The following KCNG3 variants were observed in gnomAD, a reference collection of about 807,000 sequenced individuals.
The protein encoded by KCNG3 is voltage-gated potassium channel regulatory subunit KCNG3.
KCNG3 carries 15 observed loss-of-function variants against 29.0 expected under a neutral mutation model. That is an observed-to-expected ratio of 0.52 (90% CI 0.35 to 0.80). The LOEUF (loss-of-function observed/expected upper bound fraction) is 0.80, where lower values mean the gene tolerates loss of function less well. KCNG3 is among the 30% of genes least tolerant of loss of function. KCNG3 has a pLI of 0.01. For missense variants in KCNG3, 512 were observed against 605.7 expected, an observed-to-expected ratio of 0.85 and a Z score of 1.62; for synonymous variants, 322 against 248.9, an observed-to-expected ratio of 1.29 and a Z score of -2.76.
At chr2:42,394,185 T>G in the KCNG3 span, among the ~76,000 whole-genome samples, 1 of 152,214 alleles carries the variant, frequency 6.6e-6, no homozygotes, top group Non-Finnish European at 1.5e-5. Context: ...TGACCAGAAC[T>G]GGGTCACATG....
the KCNG3 span, among the ~76,000 whole-genome samples, chr2:42,433,547 T>C: frequency 6.6e-6 from 1 of 152,134 alleles, no homozygotes; most frequent in Non-Finnish European, 1.5e-5. Flanking sequence ...AAGACCAGCC[T>C]GGACAAAATG....
the KCNG3 span, among the ~76,000 whole-genome samples, chr2:42,394,946 T>A: frequency 6.6e-6 from 1 of 152,236 alleles, no homozygotes; most frequent in African/African-American, 2.4e-5. Context: ...GGTGTAGTAC[T>A]GAGCAATTCA....
chr2:42,427,510 G>A, the KCNG3 span, among the ~76,000 whole-genome samples: 1 of 151,910 alleles, frequency 6.6e-6, no homozygotes, highest in African/African-American at 2.4e-5. Flanking sequence ...GGAGGCTGAG[G>A]TGGGAGCATC....
At chr2:42,428,453 T>C in the KCNG3 span, among the ~76,000 whole-genome samples, 41 of 109,606 alleles carry the variant, frequency 3.7e-4, no homozygotes, top group African/African-American at 1.5e-3. Flanking sequence ...AGAGACCCGG[T>C]CTCGGGAAAA....
chr2:42,479,189 C>T (rs906463572), intron 1 of KCNG3, among the ~76,000 whole-genome samples: 16 of 152,180 alleles, frequency 1.1e-4, no homozygotes, highest in South Asian at 8.3e-4. Context: ...ACCAGATTTA[C>T]GAAGTCAGAC....
the KCNG3 span, among the ~76,000 whole-genome samples, chr2:42,393,263 T>TAA: frequency 0.012 from 1,730 of 143,246 alleles, 36 homozygotes; most frequent in African/African-American, 0.041. Context: ...TCTCTTACAT[T>TAA]AAAAAAAAAA....
chr2:42,389,403 C>T, the KCNG3 span, among the ~76,000 whole-genome samples: 1 of 152,142 alleles, frequency 6.6e-6, no homozygotes, highest in Non-Finnish European at 1.5e-5. Flanking sequence ...ACTCAGAGTG[C>T]TGAAAGAAAG....
At chr2:42,457,332 A>G (rs1365065047) in intron 1 of KCNG3, among the ~76,000 whole-genome samples, 5 of 145,596 alleles carry the variant, frequency 3.4e-5, no homozygotes, top group African/African-American at 1.3e-4. Context: ...AAAATACAGA[A>G]AAAAAAAAAA....
chr2:42,455,938 AAT>A lies in KCNG3; in HGVS notation c.666-11361_666-11360del, dbSNP rs1430657435. ...ATACATATAGTTATTATATACCTAT[AAT>A]ATGTGCATATATAATTATATTACAT... On this transcript the variant is annotated intron_variant, in intron 1 of 1. Coordinates refer to ENST00000306078, the MANE Select transcript of KCNG3 (RefSeq NM_133329.6). Among the ~76,000 whole-genome samples, 26 of 149,310 alleles carry A rather than the reference AAT, an allele frequency of 1.7e-4. No homozygotes were observed. In the East Asian group the frequency reaches 4.5e-3, roughly 26 times the overall value.
At position 42,493,539 on chromosome 2, in the gene KCNG3, G is replaced by C. The variant is rs899557858; in HGVS notation, c.-38C>G. On this transcript the variant is annotated 5_prime_UTR_variant, in exon 1 of 2. Coordinates refer to ENST00000306078, the MANE Select transcript of KCNG3 (RefSeq NM_133329.6). The stretch of plus-strand genomic sequence containing the variant: ...GGGGGACTTTCGGCCCGAGGGCCCC[G>C]CTGCAGCCCCCCACCCCAAGCCGCC... The C allele has an allele frequency of 7.5e-7, 1 of 1,329,188 alleles. No individual in the cohort carries two copies. The highest frequency in any genetic ancestry group is 3.1e-5 in the East Asian group (1 of 32,308). 82.3% of individuals were successfully genotyped at this position (1,329,188 alleles called of 1,614,324 possible). A position where few individuals can be genotyped will look rare whatever the true frequency, so the allele number is the denominator to read the frequency against.
chr2:42,476,203 G>A (rs544036910), intron 1 of KCNG3, among the ~76,000 whole-genome samples: 57 of 152,150 alleles, frequency 3.7e-4, no homozygotes, highest in African/African-American at 1.2e-3. Context: ...CGGGCGCAGT[G>A]ACTCAAACCT....
the KCNG3 span, among the ~76,000 whole-genome samples, chr2:42,427,755 T>A: frequency 6.6e-6 from 1 of 152,234 alleles, no homozygotes; most frequent in African/African-American, 2.4e-5. Context: ...TTGGTATTCA[T>A]AATATATTTT....
chr2:42,416,072 G>A, the KCNG3 span, among the ~76,000 whole-genome samples: 1 of 152,142 alleles, frequency 6.6e-6, no homozygotes, highest in African/African-American at 2.4e-5. Context: ...GCGTGCATCT[G>A]TAATCCCAGC....
chr2:42,452,244 T>TATATATA (rs1491559721), intron 1 of KCNG3, among the ~76,000 whole-genome samples: 8 of 57,042 alleles, frequency 1.4e-4, no homozygotes, highest in Non-Finnish European at 1.9e-4. Context: ...TATATATATA[T>TATATATA]TTTTTTTTTT....
At chr2:42,452,196 C>G (rs924177387) in intron 1 of KCNG3, among the ~76,000 whole-genome samples, 21 of 141,912 alleles carry the variant, frequency 1.5e-4, no homozygotes, top group Non-Finnish European at 2.9e-4. Flanking sequence ...GCATAATAAT[C>G]ACATCAGGGT....
chr2:42,433,542 C>G, the KCNG3 span, among the ~76,000 whole-genome samples: 1 of 152,074 alleles, frequency 6.6e-6, no homozygotes, highest in Non-Finnish European at 1.5e-5. Context: ...AGTTCAAGAC[C>G]AGCCTGGACA....
the KCNG3 span, among the ~76,000 whole-genome samples, chr2:42,429,799 C>G: frequency 6.6e-6 from 1 of 152,120 alleles, no homozygotes; most frequent in African/African-American, 2.4e-5. Flanking sequence ...TGAAGAGAAT[C>G]AACCAGTGGA....
At chr2:42,414,994 A>G in the KCNG3 span, among the ~76,000 whole-genome samples, 1 of 152,118 alleles carries the variant, frequency 6.6e-6, no homozygotes, top group Non-Finnish European at 1.5e-5. Flanking sequence ...CCTACTGTTT[A>G]TATTTCTTGA....
At chr2:42,441,454 C>T (rs554541318), downstream of KCNG3, among the ~76,000 whole-genome samples, 1 of 152,082 alleles carries the variant, frequency 6.6e-6, no homozygotes, top group Non-Finnish European at 1.5e-5. Context: ...CAATAAAATG[C>T]TGTTCCTAAA....
Sources: gnomAD v4.1 joint callset for allele counts (sites outside exome capture counted in the v4.1 genomes callset) on GRCh38, gnomAD v4.1.1 for gene constraint, MANE v1.5 for transcripts, NCBI Gene and HGNC (gene_info 2026-07-23, HGNC 2026-07-21) for gene names.